The following ZNF33A variants were observed in gnomAD, a reference collection of about 807,000 sequenced individuals.
The protein encoded by ZNF33A is brain my041 protein.
In ZNF33A, 9 loss-of-function variants were observed where a neutral mutation model predicts 15.9. The ratio of observed to expected loss-of-function variants is 0.57; its 90% CI spans 0.34 to 0.99. The LOEUF is 0.99. ZNF33A is among the 50% of genes least tolerant of loss of function. The pLI is 0.02. For synonymous variants in ZNF33A, 294 were observed against 324.2 expected, an observed-to-expected ratio of 0.91 and a Z score of 1.00; for missense variants, 843 against 941.6, an observed-to-expected ratio of 0.90 and a Z score of 1.37.
intron 4 of ZNF33A, among the ~76,000 whole-genome samples, chr10:38,050,488 T>C (rs891343276): frequency 1.6e-4 from 25 of 152,352 alleles, no homozygotes; most frequent in Non-Finnish European, 1.2e-4. Flanking sequence ...CTTCACAGTT[T>C]TATCTTTGAA....
chr10:38,027,579 G>T (rs2065040547), intron 4 of ZNF33A, among the ~76,000 whole-genome samples: 1 of 149,618 alleles, frequency 6.7e-6, no homozygotes, highest in African/African-American at 2.5e-5. Context: ...TTGGACTCCT[G>T]GCATCAAGTG....
chr10:38,016,723 A>C, intron 2 of ZNF33A, 148 bp from the exon 3 acceptor site: 1 of 891,080 alleles, frequency 1.1e-6, no homozygotes, highest in Non-Finnish European at 1.7e-6. Context: ...GCATGAATTA[A>C]TATCTTAATG....
intron 4 of ZNF33A, among the ~76,000 whole-genome samples, chr10:38,028,530 C>A (rs759332418): frequency 6.6e-6 from 1 of 151,358 alleles, no homozygotes; most frequent in African/African-American, 2.4e-5. Context: ...TGCAGTGGTA[C>A]GATCTTGGCT....
At chr10:38,021,642 AAAG>A (rs2064751467) in intron 4 of ZNF33A, among the ~76,000 whole-genome samples, 2 of 152,170 alleles carry the variant, frequency 1.3e-5, no homozygotes, top group Non-Finnish European at 2.9e-5. Context: ...TCAAAAAAGA[AAAG>A]AAAAAAAAAG....
chr10:38,010,662 C>A (rs749962796), upstream of ZNF33A: 16 of 1,568,968 alleles, frequency 1.0e-5, no homozygotes, highest in East Asian at 3.6e-4. Context: ...CCTCGTCCGC[C>A]GGCTACGTCT....
intron 4 of ZNF33A, among the ~76,000 whole-genome samples, chr10:38,018,369 A>C (rs2064564788): frequency 6.6e-6 from 1 of 152,072 alleles, no homozygotes. Flanking sequence ...CTTGGGCAGG[A>C]ATGTGGTTGG....
At chr10:38,041,310 T>TTATA (rs532540022) in intron 4 of ZNF33A, among the ~76,000 whole-genome samples, 281 of 151,830 alleles carry the variant, frequency 1.9e-3, no homozygotes, top group Non-Finnish European at 3.2e-3. Context: ...CTCTCTATGA[T>TTATA]TATGTGTATA....
chr10:38,035,237 C>T (rs1466584135), intron 4 of ZNF33A, among the ~76,000 whole-genome samples: 3 of 147,960 alleles, frequency 2.0e-5, no homozygotes, highest in Non-Finnish European at 3.0e-5. Context: ...CCTGCTTCAG[C>T]TTCTCAAGTA....
At position 38,056,400 on chromosome 10, in the gene ZNF33A, C is replaced by T; in HGVS notation, c.2276C>T (p.Ser759Phe). 1.2e-6 allele frequency: 2 copies of T among 1,614,082 alleles called. No individual in the cohort carries two copies. Among genetic ancestry groups the T allele is most frequent in the Non-Finnish European group, 1.7e-6 (2 of 1,179,964 alleles). Residue 759 changes from serine (S) to phenylalanine (F), a missense_variant, in exon 5 of 5, where the codon TCT becomes TTT. Ser to Phe is a radical substitution (Grantham distance 155, BLOSUM62 -2). Transcript: ENST00000432900. The stretch of plus-strand genomic sequence containing the variant: ...TGTAACACATGCAGGAAAACTTTCT[C>T]TCAAAAGTCAAATCTCATTGTACAT... ...YECNTCRKTF[S>F]QKSNLIVHQR...
Position 38,059,115 on chromosome 10 carries a change from G to A in ZNF33A, c.*2555G>A, listed in dbSNP as rs1262365527. 7 of 152,134 alleles carry A rather than the reference G, an allele frequency of 4.6e-5. No homozygotes were observed. Among genetic ancestry groups the A allele is most frequent in the Admixed American group, 2.0e-4 (3 of 15,262 alleles). The allele number at this position is 152,134 out of a possible 1,614,324, so 9.4% of individuals were successfully genotyped here. ...CATTAGCAGCTCAAAGATGAAATAC[G>A]ATCATATCAATAGGTACAGAAAAAG... On this transcript the variant is annotated 3_prime_UTR_variant, in exon 5 of 5. Coordinates refer to ENST00000432900, the MANE Select transcript of ZNF33A (RefSeq NM_006954.2).
chr10:38,040,339 C>T (rs1005419470), intron 4 of ZNF33A, among the ~76,000 whole-genome samples: 3 of 152,066 alleles, frequency 2.0e-5, no homozygotes, highest in African/African-American at 7.2e-5. Flanking sequence ...TCTATATCTT[C>T]TGTTTCCATG....
intron 4 of ZNF33A, among the ~76,000 whole-genome samples, chr10:38,021,214 C>CT (rs1251738689): frequency 7.2e-5 from 11 of 152,024 alleles, no homozygotes; most frequent in Non-Finnish European, 1.6e-4. Flanking sequence ...ACAGTAGACT[C>CT]CAGAGCAAAG....
chr10:38,010,735 A>G lies in ZNF33A; in HGVS notation c.-93A>G, dbSNP rs780902050. 3 of 1,598,222 alleles carry G rather than the reference A, an allele frequency of 1.9e-6. No individual in the cohort carries two copies. Among genetic ancestry groups the G allele is most frequent in the African/African-American group, 2.7e-5 (2 of 74,884 alleles). Reference sequence around the variant, plus strand: ...CGTGGGAGGCGGTCCCGGGATTTCAAGGGTCTACGCGCTTTTCTATGGCGA... The same window carrying G: ...CGTGGGAGGCGGTCCCGGGATTTCAGGGGTCTACGCGCTTTTCTATGGCGA... On this transcript the variant is annotated 5_prime_UTR_variant, in exon 1 of 5. Coordinates refer to ENST00000432900, the MANE Select transcript of ZNF33A (RefSeq NM_006954.2).
At chr10:38,065,245 T>C (rs2066699281), downstream of ZNF33A, among the ~76,000 whole-genome samples, 1 of 152,092 alleles carries the variant, frequency 6.6e-6, no homozygotes, top group Non-Finnish European at 1.5e-5. Flanking sequence ...CTAATTTTTG[T>C]ATTTTGTGTA....
At chr10:38,050,475 G>A (rs2066152092) in intron 4 of ZNF33A, among the ~76,000 whole-genome samples, 1 of 152,220 alleles carries the variant, frequency 6.6e-6, no homozygotes, top group African/African-American at 2.4e-5. Context: ...CCATCTTGAA[G>A]TTCTTCACAG....
intron 2 of ZNF33A, among the ~76,000 whole-genome samples, chr10:38,013,343 T>C (rs1347682201): frequency 3.3e-5 from 5 of 151,916 alleles, no homozygotes; most frequent in Admixed American, 2.6e-4. Flanking sequence ...TATCTTGACC[T>C]CGTGATCTGC....
chr10:38,016,950 A>T lies in ZNF33A; in HGVS notation c.89A>T (p.Asp30Val). Residue 30 changes from aspartate to valine, a missense_variant, in exon 3 of 5, where the codon GAC (aspartate) becomes GTC (valine). Transcript: ENST00000432900. ...ACCCAGGAGGAGTGGCAGCACCTGG[A>T]CCCTAGTCAGAGGGCTCTGTATAGA... ...GFTQEEWQHL[D>V]PSQRALYRDV... The T allele has an allele frequency of 1.9e-6, 3 of 1,613,908 alleles. No homozygotes were observed. Among genetic ancestry groups the T allele is most frequent in the Non-Finnish European group, 2.5e-6 (3 of 1,179,948 alleles).
intron 1 of ZNF33A, among the ~76,000 whole-genome samples, 175 bp downstream of exon 1, chr10:38,010,958 C>T (rs1386147174): frequency 2.0e-5 from 3 of 152,182 alleles, no homozygotes; most frequent in Non-Finnish European, 4.4e-5. Flanking sequence ...TCCTCAAAGG[C>T]GCGGCCTCTG....
intron 4 of ZNF33A, among the ~76,000 whole-genome samples, chr10:38,019,071 G>A (rs1326021095): frequency 5.3e-5 from 8 of 151,500 alleles, no homozygotes; most frequent in Admixed American, 6.6e-5. Context: ...TGCCATGTTG[G>A]TGTGCTGCAC....
Sources: allele counts gnomAD v4.1 joint callset (sites outside exome capture counted in the v4.1 genomes callset), GRCh38; gene constraint gnomAD v4.1.1; transcripts MANE v1.5; gene names NCBI Gene and HGNC (gene_info 2026-07-23, HGNC 2026-07-21).